ACTN1: variants seen among roughly 807,000 people sequenced by gnomAD.
ACTN1 encodes actinin alpha 1.
ACTN1 carries 30 observed loss-of-function variants against 119.6 expected under a neutral mutation model. That is an observed-to-expected ratio of 0.25 (90% confidence interval 0.19 to 0.34). ACTN1 has a LOEUF of 0.34. ACTN1 is among the 10% of genes least tolerant of loss of function. The pLI, the probability that ACTN1 is intolerant of heterozygous loss-of-function variation, is 1.00. For synonymous variants in ACTN1, 429 were observed against 472.6 expected (o/e 0.91, Z 1.20); for missense variants, 764 against 1,223.4 (o/e 0.62, Z 5.60).
At position 68,918,309 on chromosome 14, in the gene ACTN1, C is replaced by T. The variant is rs575688246; in HGVS notation, c.340+2697G>A. On this transcript the variant is annotated intron_variant, in intron 3 of 21. Transcript: ENST00000394419. Reference sequence around the variant, plus strand: ...TCGATGTGAAAGTTCTGGCCGGGCGCGGTGGCTCACGCCTGTAATCCCAGC... The same window carrying T: ...TCGATGTGAAAGTTCTGGCCGGGCGTGGTGGCTCACGCCTGTAATCCCAGC... Among the ~76,000 whole-genome samples, 183 of 151,984 alleles carry T rather than the reference C, an allele frequency of 1.2e-3. 1 individual carries two copies. The highest frequency in any genetic ancestry group is 2.1e-3 in the Admixed American group (32 of 15,288).
intron 21 of ACTN1, 55 bp downstream of exon 21, chr14:68,877,025 TCA>T: frequency 2.5e-6 from 4 of 1,597,140 alleles, no homozygotes; most frequent in Non-Finnish European, 3.4e-6. Flanking sequence ...CCCCTTTAGA[TCA>T]CAGTCCAGCC....
intron 1 of ACTN1, among the ~76,000 whole-genome samples, chr14:68,949,117 G>A (rs562686848): frequency 3.9e-5 from 6 of 152,292 alleles, no homozygotes; most frequent in East Asian, 3.9e-4. Flanking sequence ...TAATTAACGG[G>A]CCAAAAATCT....
chr14:68,906,070 C>CG (rs145423638), intron 6 of ACTN1, among the ~76,000 whole-genome samples: 59 of 150,370 alleles, frequency 3.9e-4, no homozygotes, highest in African/African-American at 8.9e-4. Flanking sequence ...AGCCAGAGGC[C>CG]GGGGGGGCAG....
At position 68,926,477 on chromosome 14, in the gene ACTN1, T is replaced by C. The variant is rs567017812; in HGVS notation, c.106-805A>G. Among the ~76,000 whole-genome samples, 5 of 152,356 alleles carry C rather than the reference T, an allele frequency of 3.3e-5. No individual in the cohort carries two copies. In the South Asian group the frequency reaches 1.0e-3, roughly 32 times the overall value. On this transcript the variant is annotated intron_variant, in intron 1 of 21. Transcript: ENST00000394419. ...CAAAAGCATGCATCGCAGTTTTACATGTCCATCTAAAACAGGTGTCTCTCT... is the reference window on the plus strand; with the variant it reads ...CAAAAGCATGCATCGCAGTTTTACACGTCCATCTAAAACAGGTGTCTCTCT...
intron 1 of ACTN1, among the ~76,000 whole-genome samples, chr14:68,961,516 T>C (rs1186443628): frequency 2.6e-5 from 4 of 151,308 alleles, no homozygotes; most frequent in Admixed American, 2.6e-4. Context: ...TTCCCCTGGG[T>C]GTTCTGATGC....
intron 11 of ACTN1, 30 bp downstream of exon 11, chr14:68,890,109 G>C (rs372305135): frequency 3.9e-4 from 629 of 1,599,896 alleles, no homozygotes; most frequent in Middle Eastern, 3.1e-3. Flanking sequence ...TGAAGCCCTG[G>C]GGGGAGGCAG....
In ACTN1 at chr14:68,882,319, A is replaced by G. The variant is rs2031612432; in HGVS notation, c.1953+139T>C. On this transcript the variant is annotated intron_variant, in intron 16 of 21. Transcript: ENST00000394419. The surrounding 1 kb of genome is among the most constrained non-coding windows in gnomAD (Gnocchi z 4.5). ...CACATAGGCCCCCATAGCCTTCTAC[A>G]GAACAGCAGACCCACGGTGGGCTCC... The G allele has an allele frequency of 1.7e-6, 2 of 1,181,008 alleles. No homozygotes were observed. The highest frequency in any genetic ancestry group is 2.4e-6 in the Non-Finnish European group (2 of 842,512). The allele number at this position is 1,181,008 out of a possible 1,614,324, so 73.2% of individuals were successfully genotyped here. A position where few individuals can be genotyped will look rare whatever the true frequency, so the allele number is the denominator to read the frequency against.
intron 1 of ACTN1, among the ~76,000 whole-genome samples, chr14:68,938,845 T>C (rs1368660467): frequency 6.6e-6 from 1 of 152,204 alleles, no homozygotes; most frequent in Non-Finnish European, 1.5e-5. Context: ...GAAGTCCTGT[T>C]GTTTTTTTTC....
At chr14:68,939,348 C>T (rs913952062) in intron 1 of ACTN1, among the ~76,000 whole-genome samples, 1 of 152,244 alleles carries the variant, frequency 6.6e-6, no homozygotes. Context: ...CAGCCACCAG[C>T]TAGCTCTGTC....
intron 1 of ACTN1, among the ~76,000 whole-genome samples, chr14:68,928,854 C>T (rs576397768): frequency 3.3e-5 from 5 of 152,238 alleles, no homozygotes; most frequent in African/African-American, 1.2e-4. Flanking sequence ...CCCACCCCAC[C>T]ACGCGCTGTA....
chr14:68,897,266 G>A (rs141661797), intron 8 of ACTN1, among the ~76,000 whole-genome samples: 4 of 152,324 alleles, frequency 2.6e-5, no homozygotes, highest in East Asian at 3.9e-4. Context: ...TTACAGGTGT[G>A]AGCCTCTGCG....
At chr14:68,973,378 G>A (rs988400591) in intron 1 of ACTN1, among the ~76,000 whole-genome samples, 18 of 152,132 alleles carry the variant, frequency 1.2e-4, no homozygotes, top group African/African-American at 4.1e-4. Flanking sequence ...GTTCTCGTGA[G>A]AGTGAGTTCT....
rs781067137 is a variant in ACTN1 at position 68,881,936 on chromosome 14, C to CTTTTTTTTTTTTTTT, written c.1953+507_1953+521dup. ...AGTATGGGACTTTCATAGGCAGCTT[C>CTTTTTTTTTTTTTTT]TTTTTTTTTTTTTTTTTTTGACAGA... On this transcript the variant is annotated intron_variant, in intron 16 of 21. Coordinates refer to ENST00000394419, the MANE Select transcript of ACTN1 (RefSeq NM_001130004.2). Among the ~76,000 whole-genome samples the CTTTTTTTTTTTTTTT allele has an allele frequency of 2.0e-3, 116 of 58,370 alleles. 8 individuals carry two copies. Among genetic ancestry groups the CTTTTTTTTTTTTTTT allele is most frequent in the Non-Finnish European group, 2.5e-3 (81 of 33,036 alleles). The allele number at this position is 58,370 out of a possible 152,430, so 38.3% of individuals were successfully genotyped here.
In ACTN1 at chr14:68,920,681, C is replaced by T. The variant is rs77025039; in HGVS notation, c.340+325G>A. ...TTCCAGCCCATACACAAATCCTCTG[C>T]TCCAGGCAACACCGTGCAGTCAGGC... On this transcript the variant is annotated intron_variant, in intron 3 of 21. Coordinates refer to ENST00000394419, the MANE Select transcript of ACTN1 (RefSeq NM_001130004.2). 6.7e-3 allele frequency among the ~76,000 whole-genome samples: 1,015 copies of T among 152,310 alleles called. 13 individuals are homozygous for T. The highest frequency in any genetic ancestry group is 0.023 in the African/African-American group (975 of 41,564).
At chr14:68,924,035 TGATTCCACTCGTACAAG>T (rs1485221498) in intron 2 of ACTN1, among the ~76,000 whole-genome samples, 1 of 152,228 alleles carries the variant, frequency 6.6e-6, no homozygotes, top group African/African-American at 2.4e-5. Flanking sequence ...AAATACTGTA[TGATTCCACTCGTACAAG>T]GTATACCTAG....
At chr14:68,978,462 C>T in intron 1 of ACTN1, 3 of 334,460 alleles carry the variant, frequency 9.0e-6, no homozygotes, top group Non-Finnish European at 1.8e-5. Context: ...TAAGGGGCAG[C>T]AGGGTCCCGG....
At chr14:68,928,956 G>A (rs751220615) in intron 1 of ACTN1, among the ~76,000 whole-genome samples, 1 of 152,068 alleles carries the variant, frequency 6.6e-6, no homozygotes, top group Non-Finnish European at 1.5e-5. Context: ...GTTCCTGGGA[G>A]AGGGGTGGAA....
intron 7 of ACTN1, among the ~76,000 whole-genome samples, chr14:68,904,326 C>T (rs2033531733): frequency 6.6e-6 from 1 of 152,160 alleles, no homozygotes. Flanking sequence ...ACTTCCCATC[C>T]CAAACTGTGC....
intron 1 of ACTN1, among the ~76,000 whole-genome samples, chr14:68,934,880 T>C (rs1465018155): frequency 2.6e-5 from 4 of 152,220 alleles, no homozygotes; most frequent in African/African-American, 7.2e-5. Context: ...TTTAAAACTA[T>C]GTGGGCAATC....
Sources: gnomAD v4.1 joint callset for allele counts (sites outside exome capture counted in the v4.1 genomes callset) on GRCh38, gnomAD v4.1.1 for gene constraint, Gnocchi (gnomAD v3.1) non-coding constraint, MANE v1.5 for transcripts, NCBI Gene and HGNC (gene_info 2026-07-23, HGNC 2026-07-21) for gene names.